CELF2: variants seen among roughly 807,000 people sequenced by gnomAD.
The protein encoded by CELF2 is CUGBP Elav-like family member 2.
Under a neutral mutation model 62.6 loss-of-function variants are expected in CELF2, and 8 were observed. The ratio of observed to expected loss-of-function variants is 0.13; its 90% confidence interval spans 0.07 to 0.23. The LOEUF is 0.23. CELF2 is among the 10% of genes least tolerant of loss of function. The probability of loss-of-function intolerance (pLI) is 1.00; values close to 1 mark genes in which losing one functional copy is unlikely to be tolerated. For missense variants in CELF2, 333 were observed against 671.0 expected, an observed-to-expected ratio of 0.50 and a Z score of 5.56; for synonymous variants, 258 against 250.0, an observed-to-expected ratio of 1.03 and a Z score of -0.30.
At chr10:10,985,270 CACATT>C (rs1345127232) in intron 2 of CELF2, among the ~76,000 whole-genome samples, 2 of 151,786 alleles carry the variant, frequency 1.3e-5, no homozygotes, top group East Asian at 3.9e-4. Flanking sequence ...AATACACCCC[CACATT>C]ACATTTTAGT....
rs1342630039 is a variant in CELF2 at position 11,243,454 on chromosome 10, C to G, written c.355-5699C>G. Among the ~76,000 whole-genome samples, 1 of 151,570 alleles carries G rather than the reference C, an allele frequency of 6.6e-6. No individual in the cohort carries two copies. Among genetic ancestry groups the G allele is most frequent in the Non-Finnish European group, 1.5e-5 (1 of 67,930 alleles). On this transcript the variant is annotated intron_variant, in intron 3 of 12. Coordinates refer to ENST00000633077, the MANE Select transcript of CELF2 (RefSeq NM_001326342.2). The surrounding 1 kb of genome is among the most constrained non-coding windows in gnomAD (Gnocchi z 4.1). Reference sequence around the variant, plus strand: ...AAGCCTTTCTTGATAGCAATGTGAACTTGAAGAAATGTGTGACATCCCGTT... The same window carrying G: ...AAGCCTTTCTTGATAGCAATGTGAAGTTGAAGAAATGTGTGACATCCCGTT...
chr10:10,964,722 T>G (rs1366196284), intron 2 of CELF2, among the ~76,000 whole-genome samples: 1 of 152,230 alleles, frequency 6.6e-6, no homozygotes, highest in Non-Finnish European at 1.5e-5. Flanking sequence ...CTTCTCATAG[T>G]GCCACTTTAG....
At position 11,197,574 on chromosome 10, in the gene CELF2, G is replaced by A. The variant is rs185754047; in HGVS notation, c.272-19851G>A. 3.9e-4 allele frequency among the ~76,000 whole-genome samples: 60 copies of A among 152,342 alleles called. 1 individual carries two copies. The highest frequency in any genetic ancestry group is 7.3e-5 in the Non-Finnish European group (5 of 68,036). ...AGCAGCATTTATGGGCTATCTCAGT[G>A]AGCCACTTTTCTGTTAAACAATCCA... is the stretch of plus-strand genomic sequence containing the variant. On this transcript the variant is annotated intron_variant, in intron 2 of 12. Coordinates refer to ENST00000633077, the MANE Select transcript of CELF2 (RefSeq NM_001326342.2).
At chr10:10,513,414 T>C in the CELF2 span, among the ~76,000 whole-genome samples, 1 of 152,192 alleles carries the variant, frequency 6.6e-6, no homozygotes, top group Non-Finnish European at 1.5e-5. Context: ...GATTTTCTAT[T>C]TTAAGGCTTT....
chr10:11,256,141 T>TGGC (rs985295829), intron 4 of CELF2, among the ~76,000 whole-genome samples: 4 of 152,278 alleles, frequency 2.6e-5, no homozygotes, highest in African/African-American at 9.6e-5. Context: ...AGGGCCGTGC[T>TGGC]GGCTCATGGA....
intron 2 of CELF2, among the ~76,000 whole-genome samples, chr10:11,210,512 T>C (rs1422084404): frequency 6.6e-6 from 1 of 152,234 alleles, no homozygotes; most frequent in Non-Finnish European, 1.5e-5. Flanking sequence ...TGTATAGTTA[T>C]TTTGTATTCC....
At chr10:11,014,084 G>A (rs568311153), upstream of CELF2, among the ~76,000 whole-genome samples, 11 of 152,320 alleles carry the variant, frequency 7.2e-5, no homozygotes, top group African/African-American at 2.6e-4. Context: ...CTGTGAGCAC[G>A]CTGGACGTGT....
chr10:10,818,105 T>C (rs962685738), intron 1 of CELF2, among the ~76,000 whole-genome samples: 2 of 152,204 alleles, frequency 1.3e-5, no homozygotes, highest in Admixed American at 6.5e-5. Flanking sequence ...GGGTATTTCA[T>C]TGGGGTCAAT....
chr10:10,545,654 T>C, the CELF2 span, among the ~76,000 whole-genome samples: 30 of 152,292 alleles, frequency 2.0e-4, no homozygotes, highest in Middle Eastern at 3.4e-3. Context: ...AGGATGAATA[T>C]CTAAAATATC....
rs773895236 is a variant in CELF2, at chr10:11,305,931, C to T, written c.977-8208C>T. 6.6e-6 allele frequency among the ~76,000 whole-genome samples: 1 copy of T among 152,198 alleles called. No homozygotes were observed. Among genetic ancestry groups the T allele is most frequent in the Non-Finnish European group, 1.5e-5 (1 of 68,044 alleles). Reference sequence around the variant, plus strand: ...GTTCTCCACACCCCACCCTGCCCCACAAACAGTTTTCACAAAAGGCCACAG... The same window carrying T: ...GTTCTCCACACCCCACCCTGCCCCATAAACAGTTTTCACAAAAGGCCACAG... On this transcript the variant is annotated intron_variant, in intron 9 of 12. Transcript: ENST00000633077. The surrounding 1 kb of genome is among the most constrained non-coding windows in gnomAD (Gnocchi z 4.8).
Position 11,039,150 on chromosome 10 carries a change from C to T in CELF2, c.74+20987C>T, listed in dbSNP as rs951298216. 1.3e-5 allele frequency among the ~76,000 whole-genome samples: 2 copies of T among 152,194 alleles called. No individual in the cohort carries two copies. Among genetic ancestry groups the T allele is most frequent in the African/African-American group, 4.8e-5 (2 of 41,450 alleles). ...AGTCCTGTGTCAGCTCTCCTATTAGCGTGGAGGACACTGAGAGCAGAAACC... is the reference window on the plus strand; with the variant it reads ...AGTCCTGTGTCAGCTCTCCTATTAGTGTGGAGGACACTGAGAGCAGAAACC... On this transcript the variant is annotated intron_variant, in intron 1 of 12. Transcript: ENST00000633077. The surrounding 1 kb of genome is among the most constrained non-coding windows in gnomAD (Gnocchi z 4.1).
intron 3 of CELF2, among the ~76,000 whole-genome samples, chr10:11,228,402 A>G (rs2136276715): frequency 6.6e-6 from 1 of 152,336 alleles, no homozygotes; most frequent in South Asian, 2.1e-4. Flanking sequence ...CTATTGTTCT[A>G]CATTCAAGAA....
intron 1 of CELF2, among the ~76,000 whole-genome samples, chr10:10,839,604 A>G (rs1358818767): frequency 6.6e-6 from 1 of 152,230 alleles, no homozygotes; most frequent in Non-Finnish European, 1.5e-5. Context: ...TACTTAAGTA[A>G]GAATATTTTT....
intron 1 of CELF2, among the ~76,000 whole-genome samples, chr10:11,054,024 A>G (rs1156491032): frequency 6.6e-6 from 1 of 152,190 alleles, no homozygotes; most frequent in Non-Finnish European, 1.5e-5. Context: ...CCATTTTGAT[A>G]CTATCTAAAC....
intron 2 of CELF2, among the ~76,000 whole-genome samples, chr10:10,981,625 T>C (rs1260611285): frequency 6.6e-6 from 1 of 152,238 alleles, no homozygotes; most frequent in East Asian, 1.9e-4. Context: ...GTGTTTGCCA[T>C]AGTTACACCC....
chr10:11,007,880 C>G (rs2055582096), intron 1 of CELF2, among the ~76,000 whole-genome samples: 2 of 152,162 alleles, frequency 1.3e-5, no homozygotes, highest in Non-Finnish European at 2.9e-5. Context: ...AGTTATTTAT[C>G]TGTGATCTAG....
At chr10:11,295,279 C>T (rs895574273) in intron 9 of CELF2, among the ~76,000 whole-genome samples, 4 of 152,120 alleles carry the variant, frequency 2.6e-5, no homozygotes, top group Admixed American at 2.6e-4. Context: ...GCACTGGAGA[C>T]ACATCAGTAG....
chr10:10,738,138 G>T, the CELF2 span, among the ~76,000 whole-genome samples: 10 of 152,106 alleles, frequency 6.6e-5, no homozygotes, highest in African/African-American at 2.4e-4. Flanking sequence ...TTGACCCAAA[G>T]GTTTCACTTT....
At chr10:10,772,957 A>C in the CELF2 span, among the ~76,000 whole-genome samples, 1 of 152,224 alleles carries the variant, frequency 6.6e-6, no homozygotes, top group African/African-American at 2.4e-5. Flanking sequence ...TAGTAGAAGA[A>C]AATTTAGTGC....
Sources: allele counts gnomAD v4.1 joint callset (sites outside exome capture counted in the v4.1 genomes callset), GRCh38; gene constraint gnomAD v4.1.1; non-coding constraint Gnocchi (gnomAD v3.1); transcripts MANE v1.5; gene names NCBI Gene and HGNC (gene_info 2026-07-23, HGNC 2026-07-21).